The following ERBIN variants were observed in gnomAD, a reference collection of about 807,000 sequenced individuals.
The protein encoded by ERBIN is erbb2 interacting protein.
A neutral mutation model predicts 158.4 loss-of-function variants in ERBIN; 60 were observed. The ratio of observed to expected loss-of-function variants is 0.38; its 90% CI spans 0.31 to 0.47. The LOEUF (loss-of-function observed/expected upper bound fraction) is 0.47. Among genes scored for constraint, ERBIN ranks in the 20% least tolerant of loss-of-function variants. ERBIN has a pLI of 0.99. For synonymous variants in ERBIN, 594 were observed against 557.2 expected (o/e 1.07, Z -0.93); for missense variants, 1,610 against 1,648.0 (o/e 0.98, Z 0.40).
At chr5:65,940,465 G>T (rs1353121831) in intron 1 of ERBIN, among the ~76,000 whole-genome samples, 1 of 126,512 alleles carries the variant, frequency 7.9e-6, no homozygotes, top group Non-Finnish European at 1.6e-5. Flanking sequence ...GGAGGGAGGT[G>T]GGGGGGTCAG....
Position 66,044,328 on chromosome 5 carries a change from GATTA to G in ERBIN, c.1602+20_1602+23del. ...GTGTGAAGGTTAGAAAATTCAAAAG[GATTA>G]ACCAAAGCCTATTTCAAGTTCTTAT... On this transcript the variant is annotated intron_variant, in intron 17 of 25. Coordinates refer to ENST00000284037, the MANE Select transcript of ERBIN (RefSeq NM_001253697.2). 1 of 1,571,028 alleles carries G rather than the reference GATTA, an allele frequency of 6.4e-7. No individual in the cohort carries two copies. The highest frequency in any genetic ancestry group is 8.6e-7 in the Non-Finnish European group (1 of 1,165,754).
At chr5:65,998,805 G>A (rs1220923756) in intron 4 of ERBIN, among the ~76,000 whole-genome samples, 2 of 150,524 alleles carry the variant, frequency 1.3e-5, no homozygotes, top group South Asian at 2.1e-4. Flanking sequence ...TGTTGTGGGA[G>A]GATTGCTTGA....
chr5:66,021,476 T>A, intron 8 of ERBIN, 91 bp downstream of exon 8: 1 of 965,518 alleles, frequency 1.0e-6, no homozygotes, highest in East Asian at 3.0e-5. Context: ...ACAAATTGGA[T>A]AAAGGTTTAC....
At chr5:65,998,038 G>A (rs1428348335) in intron 4 of ERBIN, among the ~76,000 whole-genome samples, 1 of 151,806 alleles carries the variant, frequency 6.6e-6, no homozygotes, top group African/African-American at 2.4e-5. Flanking sequence ...GACCAGCCTG[G>A]CCAACGTGGT....
Position 65,942,757 on chromosome 5 carries a change from T to A in ERBIN, c.-58+15951T>A, listed in dbSNP as rs146932370. Among the ~76,000 whole-genome samples the A allele has an allele frequency of 4.3e-4, 66 of 152,224 alleles. 1 individual carries two copies. In the East Asian group the frequency reaches 0.013, roughly 29 times the overall value. On this transcript the variant is annotated intron_variant, in intron 1 of 25. Coordinates refer to ENST00000284037, the MANE Select transcript of ERBIN (RefSeq NM_001253697.2). ...TTGGCCAACATGGTGAAACTCTGTG[T>A]CTACTAAAAATACAAAAATTAGCCG... is the stretch of plus-strand genomic sequence containing the variant.
In ERBIN at chr5:65,982,261, A is replaced by G. The variant is rs74540580; in HGVS notation, c.-57-6374A>G. 5.3e-5 allele frequency among the ~76,000 whole-genome samples: 8 copies of G among 152,300 alleles called. No homozygotes were observed. The East Asian group carries it at 1.4e-3, about 26-fold the overall frequency. On this transcript the variant is annotated intron_variant, in intron 1 of 25. Transcript: ENST00000284037. The stretch of plus-strand genomic sequence containing the variant: ...ACCCCAAATTGGAAAACCTGATCTT[A>G]TTTAGGACTACTGGTAACCTGTCCA...
chr5:66,053,196 A>C (rs950288222), intron 20 of ERBIN, among the ~76,000 whole-genome samples: 1 of 152,176 alleles, frequency 6.6e-6, no homozygotes, highest in Non-Finnish European at 1.5e-5. Context: ...TATGAATTTT[A>C]ATTGTATTAC....
At chr5:65,938,403 G>C (rs1437640464) in intron 1 of ERBIN, among the ~76,000 whole-genome samples, 1 of 143,298 alleles carries the variant, frequency 7.0e-6, no homozygotes, top group African/African-American at 2.6e-5. Context: ...ACAGGGTCTC[G>C]CTCTGTCACT....
Position 66,076,384 on chromosome 5 carries a change from A to G in ERBIN, c.4032A>G (p.Gly1344=). The change falls in exon 24 of 26, where the codon GGA becomes GGG. Residue 1344 remains glycine, a synonymous_variant. Coordinates refer to ENST00000284037, the MANE Select transcript of ERBIN (RefSeq NM_001253697.2). Reference sequence around the variant, plus strand: ...TATCAGGTGGTGTCGGGGGTAGAGGAAACCCATTCAGACCTGATGATGATG... The same window carrying G: ...TATCAGGTGGTGTCGGGGGTAGAGGGAACCCATTCAGACCTGATGATGATG... ...FSISGGVGGR[G]NPFRPDDDGI... 2 of 1,613,370 alleles carry G rather than the reference A, an allele frequency of 1.2e-6. No homozygotes were observed. The highest frequency in any genetic ancestry group is 1.7e-6 in the Non-Finnish European group (2 of 1,179,702).
intron 1 of ERBIN, among the ~76,000 whole-genome samples, chr5:65,951,663 A>G (rs1013523962): frequency 2.0e-5 from 3 of 152,352 alleles, no homozygotes; most frequent in Admixed American, 6.5e-5. Flanking sequence ...TACCACCTCA[A>G]TGTTGAATTT....
intron 23 of ERBIN, 86 bp downstream of exon 23, chr5:66,075,316 A>G: frequency 9.1e-7 from 1 of 1,100,494 alleles, no homozygotes; most frequent in Non-Finnish European, 1.4e-6. Context: ...AAATCCATAC[A>G]GAATATTAAC....
At chr5:66,075,810 C>G (rs1011275138) in intron 23 of ERBIN, among the ~76,000 whole-genome samples, 1 of 151,808 alleles carries the variant, frequency 6.6e-6, no homozygotes, top group Non-Finnish European at 1.5e-5. Flanking sequence ...TAAAAACTCT[C>G]AATTGGTCAT....
At chr5:65,928,637 T>G (rs1742978985) in intron 1 of ERBIN, among the ~76,000 whole-genome samples, 1 of 152,086 alleles carries the variant, frequency 6.6e-6, no homozygotes. Flanking sequence ...AGGAGAAGAG[T>G]AGTATGTTTC....
chr5:66,050,182 A>AACAGTACATAATAATATC (rs1376046918), intron 19 of ERBIN, among the ~76,000 whole-genome samples: 1 of 152,030 alleles, frequency 6.6e-6, no homozygotes, highest in East Asian at 1.9e-4. Flanking sequence ...GACCTTAGAA[A>AACAGTACATAATAATATC]ACAGTACATA....
intron 4 of ERBIN, among the ~76,000 whole-genome samples, chr5:66,010,460 G>A (rs1580340015): frequency 6.6e-6 from 1 of 152,142 alleles, no homozygotes; most frequent in African/African-American, 2.4e-5. Flanking sequence ...ATTGCCATGT[G>A]TCTTGTGGAA....
In ERBIN at chr5:66,001,065, T is replaced by G. The variant is rs377413857; in HGVS notation, c.307+6201T>G. The stretch of plus-strand genomic sequence containing the variant: ...TGCATATTAGGTCGATGTGGCTGGA[T>G]GTTAGAAATTTGAATTTTGTTGCAT... On this transcript the variant is annotated intron_variant, in intron 4 of 25. Transcript: ENST00000284037. Among the ~76,000 whole-genome samples the G allele has an allele frequency of 5.9e-5, 9 of 152,246 alleles. No individual in the cohort carries two copies. The South Asian group carries it at 8.3e-4, about 14-fold the overall frequency.
intron 1 of ERBIN, among the ~76,000 whole-genome samples, chr5:65,984,419 C>G (rs755147966): frequency 6.6e-6 from 1 of 152,228 alleles, no homozygotes; most frequent in Non-Finnish European, 1.5e-5. Flanking sequence ...TTTTTCTCCT[C>G]TCTGCCCCTC....
At chr5:65,970,044 AAGT>A (rs1460391783) in intron 1 of ERBIN, among the ~76,000 whole-genome samples, 2 of 152,174 alleles carry the variant, frequency 1.3e-5, no homozygotes, top group Non-Finnish European at 2.9e-5. Context: ...CCTTGCCCCA[AAGT>A]AATTGAATCA....
rs1362284976 is a variant in ERBIN, at chr5:65,940,592, T to C, written c.-58+13786T>C. Among the ~76,000 whole-genome samples the C allele has an allele frequency of 2.0e-3, 181 of 92,808 alleles. 12 individuals are homozygous for C. The highest frequency in any genetic ancestry group is 6.6e-3 in the African/African-American group (154 of 23,436). 60.9% of individuals were successfully genotyped at this position (92,808 alleles called of 152,430 possible). A position where few individuals can be genotyped will look rare whatever the true frequency, so the allele number is the denominator to read the frequency against. ...GGCGCCTCTGCCCGGCCGCCCCTACTGGGAAGTGAGGAGCCCCTCTGCCCG... is the reference window on the plus strand; with the variant it reads ...GGCGCCTCTGCCCGGCCGCCCCTACCGGGAAGTGAGGAGCCCCTCTGCCCG... On this transcript the variant is annotated intron_variant, in intron 1 of 25. Coordinates refer to ENST00000284037, the MANE Select transcript of ERBIN (RefSeq NM_001253697.2).
Sources: allele counts gnomAD v4.1 joint callset (sites outside exome capture counted in the v4.1 genomes callset), GRCh38; gene constraint gnomAD v4.1.1; transcripts MANE v1.5; gene names NCBI Gene and HGNC (gene_info 2026-07-23, HGNC 2026-07-21).